SPMIP2: variants seen among roughly 807,000 people sequenced by gnomAD.
The protein encoded by SPMIP2 is sperm microtubule inner protein 2.
chr4:159,035,057 C>G, the SPMIP2 span: 15 of 1,613,170 alleles, frequency 9.3e-6, 1 homozygote, highest in East Asian at 2.2e-5. Flanking sequence ...TGTTTTCCCA[C>G]AGTAGTAGAT....
the SPMIP2 span, among the ~76,000 whole-genome samples, chr4:159,066,972 T>G: frequency 6.6e-6 from 1 of 152,188 alleles, no homozygotes; most frequent in Non-Finnish European, 1.5e-5. Flanking sequence ...TTTGTTGATT[T>G]ACACTATCTG....
chr4:158,911,974 G>A, the SPMIP2 span, among the ~76,000 whole-genome samples: 2 of 151,890 alleles, frequency 1.3e-5, no homozygotes. Context: ...TTGTATGAAG[G>A]AAAAAAACTA....
the SPMIP2 span, chr4:158,915,294 A>T: frequency 6.2e-7 from 1 of 1,613,686 alleles, no homozygotes; most frequent in Non-Finnish European, 8.5e-7. Flanking sequence ...GAAAGCACTC[A>T]TATGCCAGGC....
At chr4:158,920,532 G>T in the SPMIP2 span, among the ~76,000 whole-genome samples, 43,634 of 151,990 alleles carry the variant, frequency 0.29, 7,088 homozygotes, top group Non-Finnish European at 0.38. Flanking sequence ...GTGAGTGTCT[G>T]TCTTATGCGG....
At chr4:158,927,178 T>C in the SPMIP2 span, among the ~76,000 whole-genome samples, 7 of 152,226 alleles carry the variant, frequency 4.6e-5, no homozygotes, top group Admixed American at 1.3e-4. Flanking sequence ...ATTTTATCAT[T>C]ATAAAATGCC....
the SPMIP2 span, among the ~76,000 whole-genome samples, chr4:159,065,503 C>T: frequency 6.6e-6 from 1 of 152,020 alleles, no homozygotes; most frequent in Non-Finnish European, 1.5e-5. Context: ...AAATCACTTG[C>T]AGTCAGGAGT....
chr4:158,908,698 T>C, the SPMIP2 span, among the ~76,000 whole-genome samples: 3 of 152,168 alleles, frequency 2.0e-5, no homozygotes, highest in African/African-American at 7.2e-5. Context: ...CTTCATTATA[T>C]TTTTTGAGAT....
chr4:158,925,510 G>A, the SPMIP2 span, among the ~76,000 whole-genome samples: 23 of 152,166 alleles, frequency 1.5e-4, no homozygotes, highest in African/African-American at 3.9e-4. Context: ...TTCCATGGAC[G>A]AAGAGGGGGT....
the SPMIP2 span, among the ~76,000 whole-genome samples, chr4:159,034,822 C>T: frequency 6.6e-6 from 1 of 151,662 alleles, no homozygotes; most frequent in Non-Finnish European, 1.5e-5. Context: ...ACCCAGGTGG[C>T]GGAGGTTGCA....
chr4:158,978,014 GGTGTT>G, the SPMIP2 span, among the ~76,000 whole-genome samples: 1 of 151,986 alleles, frequency 6.6e-6, no homozygotes, highest in Non-Finnish European at 1.5e-5. Flanking sequence ...GTGATGTTAG[GGTGTT>G]GTTTTAGAAT....
the SPMIP2 span, among the ~76,000 whole-genome samples, chr4:158,952,377 G>T: frequency 2.6e-5 from 4 of 152,266 alleles, no homozygotes; most frequent in Admixed American, 1.3e-4. Context: ...CCTTGTGGTA[G>T]TCAAGTCTCA....
At chr4:159,067,151 A>T in the SPMIP2 span, among the ~76,000 whole-genome samples, 706 of 152,350 alleles carry the variant, frequency 4.6e-3, 4 homozygotes, top group Non-Finnish European at 8.4e-3. Flanking sequence ...ACTGGATAGG[A>T]ACTATAAAAT....
chr4:158,922,497 C>T, the SPMIP2 span, among the ~76,000 whole-genome samples: 1 of 152,172 alleles, frequency 6.6e-6, no homozygotes, highest in Non-Finnish European at 1.5e-5. Context: ...GAAGAAGATA[C>T]TGTATATATC....
At chr4:158,974,418 C>T in the SPMIP2 span, among the ~76,000 whole-genome samples, 2 of 152,116 alleles carry the variant, frequency 1.3e-5, no homozygotes, top group Admixed American at 6.6e-5. Flanking sequence ...ATCAACCCGT[C>T]ATCTACATTA....
At chr4:159,022,119 G>T in the SPMIP2 span, among the ~76,000 whole-genome samples, 3 of 152,112 alleles carry the variant, frequency 2.0e-5, no homozygotes, top group Non-Finnish European at 4.4e-5. Flanking sequence ...GAAAGAGTCT[G>T]GAAATCCCTA....
the SPMIP2 span, among the ~76,000 whole-genome samples, chr4:158,947,173 A>C: frequency 6.6e-6 from 1 of 152,184 alleles, no homozygotes; most frequent in Non-Finnish European, 1.5e-5. Context: ...TTTGCTACTT[A>C]ATGCTTATGG....
chr4:159,056,008 T>C, the SPMIP2 span, among the ~76,000 whole-genome samples: 5 of 152,184 alleles, frequency 3.3e-5, no homozygotes, highest in Non-Finnish European at 4.4e-5. Flanking sequence ...GCCGCTTGTC[T>C]TAGCTTCAGA....
the SPMIP2 span, among the ~76,000 whole-genome samples, chr4:158,986,339 A>C: frequency 4.0e-3 from 611 of 152,156 alleles, 5 homozygotes; most frequent in African/African-American, 0.013. Context: ...CAATCCTAAG[A>C]CAAAAGAACA....
At chr4:158,975,867 T>C in the SPMIP2 span, among the ~76,000 whole-genome samples, 3 of 152,316 alleles carry the variant, frequency 2.0e-5, no homozygotes, top group South Asian at 2.1e-4. Context: ...GGGATAGTAT[T>C]GAATGTATAA....
Sources: allele counts gnomAD v4.1 joint callset (sites outside exome capture counted in the v4.1 genomes callset), GRCh38; gene constraint gnomAD v4.1.1; transcripts MANE v1.5; gene names NCBI Gene and HGNC (gene_info 2026-07-23, HGNC 2026-07-21).